The following TGFBI variants were observed in gnomAD, a reference collection of about 807,000 sequenced individuals.
The protein encoded by TGFBI is transforming growth factor-beta-induced protein ig-h3.
In TGFBI, 50 loss-of-function variants were observed where a neutral mutation model predicts 73.7. That is an observed-to-expected ratio of 0.68 (90% CI 0.54 to 0.86). TGFBI has a LOEUF of 0.86. Ranked by LOEUF, TGFBI falls within the 40% of genes least tolerant of loss-of-function variation. The pLI is 0.00. For synonymous variants in TGFBI, 362 were observed against 360.5 expected, an observed-to-expected ratio of 1.00 and a Z score of -0.05; for missense variants, 839 against 877.0, an observed-to-expected ratio of 0.96 and a Z score of 0.55.
At position 136,053,967 on chromosome 5, in the gene TGFBI, C is replaced by T. The variant is rs201060478; in HGVS notation, c.1151C>T (p.Ala384Val). The part of the protein sequence containing the change: ...DSAKTLFELA[A>V]ESDVSTAIDL... ...GCCAAGACACTATTTGAATTGGCTG[C>T]AGAGTCTGATGTGTCCACAGCCATT... Residue 384 changes from alanine (A) to valine (V), a missense_variant, in exon 9 of 17, where the codon GCA (alanine) becomes GTA (valine). Ala to Val is a moderately conservative substitution (Grantham distance 64, BLOSUM62 0). Coordinates refer to ENST00000442011, the MANE Select transcript of TGFBI (RefSeq NM_000358.3). 3 of 1,614,018 alleles carry T rather than the reference C, an allele frequency of 1.9e-6. No individual in the cohort carries two copies. The African/African-American group carries it at 4.0e-5, about 22-fold the overall frequency.
chr5:136,060,826 T>A lies in TGFBI; in HGVS notation c.1804-8T>A. On this transcript the variant is annotated splice_region_variant and splice_polypyrimidine_tract_variant and intron_variant, in intron 13 of 16. Transcript: ENST00000442011. ...CTACTTTCAACCACTACTCTGTTTT[T>A]CTTTTAGAAAAACAATGTGGTGAGT... 2.5e-6 allele frequency: 4 copies of A among 1,589,910 alleles called. No homozygotes were observed. Among genetic ancestry groups the A allele is most frequent in the Non-Finnish European group, 3.4e-6 (4 of 1,163,158 alleles).
At chr5:136,037,733 C>G (rs555152636) in intron 2 of TGFBI, among the ~76,000 whole-genome samples, 2 of 152,318 alleles carry the variant, frequency 1.3e-5, no homozygotes, top group African/African-American at 4.8e-5. Flanking sequence ...GCAAGTGTTC[C>G]TTTGCCCAGG....
At chr5:136,052,153 C>G (rs45550837) in intron 7 of TGFBI, among the ~76,000 whole-genome samples, 20 of 152,262 alleles carry the variant, frequency 1.3e-4, no homozygotes, top group Middle Eastern at 3.2e-3. Flanking sequence ...TGGAGACCAG[C>G]AGGAGTCACG....
Position 136,046,964 on chromosome 5 carries a change from C to T in TGFBI, c.573C>T (p.Leu191=), listed in dbSNP as rs1751440670. The stretch of plus-strand genomic sequence containing the variant: ...ATGAGCTGAAACACGGCATGACCCT[C>T]ACCTCTATGTACCAGAATTCCAACA... The part of the protein sequence containing the change: ...LTDELKHGMT[L]TSMYQNSNIQ... Residue 191 remains leucine (L), a synonymous_variant, in exon 5 of 17, where the codon CTC becomes CTT. Transcript: ENST00000442011. 1 of 1,613,726 alleles carries T rather than the reference C, an allele frequency of 6.2e-7. No homozygotes were observed. The highest frequency in any genetic ancestry group is 8.5e-7 in the Non-Finnish European group (1 of 1,179,860).
At chr5:136,049,865 G>A in intron 7 of TGFBI, 1 of 351,526 alleles carries the variant, frequency 2.8e-6, no homozygotes, top group Non-Finnish European at 5.3e-6. Flanking sequence ...CCAGAAACAG[G>A]GAGAGTGAAA....
chr5:136,042,894 A>G (rs1417585993), intron 2 of TGFBI, among the ~76,000 whole-genome samples: 1 of 152,180 alleles, frequency 6.6e-6, no homozygotes, highest in Non-Finnish European at 1.5e-5. Context: ...TTTCCTGGGC[A>G]CACTGAGAGC....
chr5:136,063,328 T>G lies in TGFBI; in HGVS notation c.*102T>G. On this transcript the variant is annotated 3_prime_UTR_variant, in exon 17 of 17. Transcript: ENST00000442011. ...ATGTTTTCAAAACCAAGTATCACAC[T>G]TTAATGTACATGGGCCGCACCATAA... The G allele has an allele frequency of 9.3e-7, 1 of 1,072,994 alleles. No individual in the cohort carries two copies. The highest frequency in any genetic ancestry group is 1.4e-6 in the Non-Finnish European group (1 of 707,804). The allele number at this position is 1,072,994 out of a possible 1,614,324, so 66.5% of individuals were successfully genotyped here.
intron 8 of TGFBI, among the ~76,000 whole-genome samples, chr5:136,053,419 C>T (rs1346302178): frequency 6.6e-6 from 1 of 152,250 alleles, no homozygotes; most frequent in Admixed American, 6.5e-5. Flanking sequence ...GGGCCACTTG[C>T]TGACCTCAGA....
At chr5:136,046,594 C>G in intron 4 of TGFBI, 99 bp downstream of exon 4, 1 of 1,406,820 alleles carries the variant, frequency 7.1e-7, no homozygotes, top group Non-Finnish European at 9.5e-7. Context: ...TCATTTCCTA[C>G]TGTTTCAGGA....
intron 10 of TGFBI, chr5:136,055,122 GGAATTA>G: frequency 2.3e-6 from 1 of 434,698 alleles, no homozygotes; most frequent in South Asian, 3.0e-5. Flanking sequence ...CTTGAATTCA[GGAATTA>G]ACACCTGGGA....
chr5:136,062,466 T>A (rs1325895638), intron 15 of TGFBI, among the ~76,000 whole-genome samples, 197 bp from the exon 16 acceptor site: 1 of 152,068 alleles, frequency 6.6e-6, no homozygotes, highest in African/African-American at 2.4e-5. Context: ...AAGGCACACT[T>A]GATAGGGGCT....
Position 136,029,184 on chromosome 5 carries a change from G to C in TGFBI, c.129G>C (p.Gln43His). The change falls in exon 1 of 17, where the codon CAG (glutamine) becomes CAC (histidine). Residue 43 changes from glutamine to histidine, a missense_variant. By Grantham distance (24) the Gln-to-His change is conservative. Coordinates refer to ENST00000442011, the MANE Select transcript of TGFBI (RefSeq NM_000358.3). Reference sequence around the variant, plus strand: ...AGCACAGCAGGCTCCGGGGCCGCCAGCACGGGTAAGCCGAGCCGCCTGGCC... The same window carrying C: ...AGCACAGCAGGCTCCGGGGCCGCCACCACGGGTAAGCCGAGCCGCCTGGCC... ...VLQHSRLRGR[Q>H]HGPNVCAVQK... The C allele has an allele frequency of 6.7e-7, 1 of 1,501,368 alleles. No homozygotes were observed. The highest frequency in any genetic ancestry group is 8.8e-7 in the Non-Finnish European group (1 of 1,130,622). The allele number at this position is 1,501,368 out of a possible 1,614,324, so 93.0% of individuals were successfully genotyped here.
intron 13 of TGFBI, 62 bp downstream of exon 13, chr5:136,059,276 C>T (rs1751706027): frequency 3.8e-6 from 6 of 1,583,982 alleles, no homozygotes; most frequent in Non-Finnish European, 4.3e-6. Flanking sequence ...CAGGACATAT[C>T]TCACCCCCAG....
intron 2 of TGFBI, among the ~76,000 whole-genome samples, chr5:136,034,084 A>G (rs1162056494): frequency 6.6e-6 from 1 of 152,054 alleles, no homozygotes; most frequent in African/African-American, 2.4e-5. Context: ...GACATTTTTC[A>G]GGGCTGGTTT....
Position 136,047,111 on chromosome 5 carries a change from C to T in TGFBI, c.624+96C>T, listed in dbSNP as rs1164768721. On this transcript the variant is annotated intron_variant, in intron 5 of 16. Transcript: ENST00000442011. ...TGGTTTCTGGGGTTTAAGCTGTAGACAACCCACCCTCTTTGTGCCTGCTTC... is the reference window on the plus strand; with the variant it reads ...TGGTTTCTGGGGTTTAAGCTGTAGATAACCCACCCTCTTTGTGCCTGCTTC... 3 of 1,540,650 alleles carry T rather than the reference C, an allele frequency of 1.9e-6. No individual in the cohort carries two copies. In the African/African-American group the frequency reaches 4.1e-5, roughly 21 times the overall value.
At chr5:136,055,484 C>A (rs936588177) in intron 10 of TGFBI, 196 bp from the exon 11 acceptor site, 2 of 471,240 alleles carry the variant, frequency 4.2e-6, no homozygotes, top group African/African-American at 4.0e-5. Flanking sequence ...TCTAACCGTT[C>A]TTTCCTTAAG....
chr5:136,059,250 C>T (rs1580722501), intron 13 of TGFBI, 36 bp downstream of exon 13: 4 of 1,602,652 alleles, frequency 2.5e-6, no homozygotes, highest in Non-Finnish European at 3.4e-6. Flanking sequence ...GGCTAAATTT[C>T]CCCAGGGCAG....
intron 11 of TGFBI, among the ~76,000 whole-genome samples, chr5:136,056,125 C>A (rs537178535): frequency 6.6e-6 from 1 of 152,290 alleles, no homozygotes; most frequent in Admixed American, 6.5e-5. Context: ...TCCAAGTGAG[C>A]CAAGAGCACA....
intron 2 of TGFBI, among the ~76,000 whole-genome samples, chr5:136,043,268 G>A (rs1751371126): frequency 6.6e-6 from 1 of 152,120 alleles, no homozygotes; most frequent in South Asian, 2.1e-4. Context: ...GAAATTCTCA[G>A]TGTTTTAGCC....
Sources: allele counts gnomAD v4.1 joint callset (sites outside exome capture counted in the v4.1 genomes callset), GRCh38; gene constraint gnomAD v4.1.1; transcripts MANE v1.5; gene names NCBI Gene and HGNC (gene_info 2026-07-23, HGNC 2026-07-21).